The following LUZP2 variants were observed in gnomAD, a reference collection of about 807,000 sequenced individuals.
LUZP2 encodes the protein leucine zipper protein 2.
A neutral mutation model predicts 51.6 loss-of-function variants in LUZP2; 52 were observed. The observed-to-expected ratio is 1.01, with a 90% CI of 0.81 to 1.27. The LOEUF is 1.27. Among genes scored for constraint, LUZP2 ranks in the 50% most tolerant of loss-of-function variants. LUZP2 has a pLI of 0.00. For synonymous variants in LUZP2, 154 were observed against 137.3 expected (o/e 1.12, Z -0.85); for missense variants, 436 against 395.4 (o/e 1.10, Z -0.87).
At chr11:24,520,924 A>G (rs1052128934) in intron 1 of LUZP2, among the ~76,000 whole-genome samples, 1 of 152,224 alleles carries the variant, frequency 6.6e-6, no homozygotes, top group African/African-American at 2.4e-5. Flanking sequence ...AGTGGATATG[A>G]TGCCTCAGTC....
At chr11:24,608,689 A>G (rs1045808058) in intron 1 of LUZP2, among the ~76,000 whole-genome samples, 1 of 152,162 alleles carries the variant, frequency 6.6e-6, no homozygotes, top group African/African-American at 2.4e-5. Flanking sequence ...CACACACACA[A>G]ATTGATTTTT....
intron 1 of LUZP2, among the ~76,000 whole-genome samples, chr11:24,725,687 C>T (rs1431163377): frequency 6.6e-6 from 1 of 151,926 alleles, no homozygotes; most frequent in East Asian, 1.9e-4. Context: ...CAAGAATCTT[C>T]CAAATAAATT....
At chr11:24,936,696 A>G (rs1854597697) in intron 7 of LUZP2, among the ~76,000 whole-genome samples, 1 of 151,784 alleles carries the variant, frequency 6.6e-6, no homozygotes, top group African/African-American at 2.4e-5. Context: ...TCTTGTATTC[A>G]CTTTTTCTAT....
chr11:24,592,804 A>C (rs1175021359), intron 1 of LUZP2, among the ~76,000 whole-genome samples: 3 of 152,178 alleles, frequency 2.0e-5, no homozygotes, highest in Non-Finnish European at 4.4e-5. Flanking sequence ...AAAATATTTT[A>C]TTTAAAAGTC....
chr11:24,989,106 A>C (rs1476396949), intron 9 of LUZP2, among the ~76,000 whole-genome samples: 1 of 151,364 alleles, frequency 6.6e-6, no homozygotes, highest in East Asian at 1.9e-4. Context: ...GCAGTTAAAA[A>C]AAAAAAAAAA....
chr11:24,513,259 T>A (rs1850367136), intron 1 of LUZP2, among the ~76,000 whole-genome samples: 1 of 152,114 alleles, frequency 6.6e-6, no homozygotes. Context: ...AAAAATTAAG[T>A]CCCCCTTGCC....
intron 10 of LUZP2, 92 bp downstream of exon 10, chr11:25,050,222 A>G (rs983324863): frequency 2.1e-5 from 10 of 475,644 alleles, no homozygotes; most frequent in Non-Finnish European, 3.7e-5. Flanking sequence ...CCATGAAACT[A>G]TTTATATGTA....
chr11:24,816,078 G>A (rs753860947), intron 5 of LUZP2, among the ~76,000 whole-genome samples: 55 of 150,728 alleles, frequency 3.6e-4, no homozygotes, highest in Middle Eastern at 3.4e-3. Flanking sequence ...AACTTTATAA[G>A]CCTTAGTTTT....
intron 1 of LUZP2, among the ~76,000 whole-genome samples, chr11:24,499,161 A>C (rs113827099): frequency 6.6e-6 from 1 of 152,328 alleles, no homozygotes; most frequent in East Asian, 1.9e-4. Flanking sequence ...TGCTTGTGGT[A>C]TGTGAAAACT....
At chr11:24,579,743 A>G (rs190053081) in intron 1 of LUZP2, among the ~76,000 whole-genome samples, 1 of 152,252 alleles carries the variant, frequency 6.6e-6, no homozygotes, top group Admixed American at 6.5e-5. Flanking sequence ...GGTAATTTAC[A>G]CAGAATACAA....
intron 1 of LUZP2, among the ~76,000 whole-genome samples, chr11:24,584,932 G>A (rs1339357291): frequency 2.0e-5 from 3 of 152,156 alleles, no homozygotes; most frequent in Non-Finnish European, 4.4e-5. Context: ...AAGCACTTGT[G>A]TGCCTTCCAC....
chr11:24,786,154 A>G lies in LUZP2; in HGVS notation c.396+22846A>G, dbSNP rs558751463. 3.0e-6 allele frequency: 3 copies of G among 985,152 alleles called. No homozygotes were observed. In the East Asian group the frequency reaches 3.4e-4, roughly 112 times the overall value. 61.0% of individuals were successfully genotyped at this position (985,152 alleles called of 1,614,324 possible). A position where few individuals can be genotyped will look rare whatever the true frequency, so the allele number is the denominator to read the frequency against. ...CAAAGTTATGAAGGCGTTGTAAAAT[A>G]TATGTCTCAGGGAAACCTAAAACCA... On this transcript the variant is annotated intron_variant, in intron 5 of 11. Coordinates refer to ENST00000336930, the MANE Select transcript of LUZP2 (RefSeq NM_001009909.4).
intron 1 of LUZP2, among the ~76,000 whole-genome samples, chr11:24,585,980 A>G (rs1328915062): frequency 6.6e-6 from 1 of 152,140 alleles, no homozygotes; most frequent in Admixed American, 6.6e-5. Context: ...GTATTGATCT[A>G]TACCTTTTCC....
chr11:24,807,105 G>A (rs1461309456), intron 5 of LUZP2, among the ~76,000 whole-genome samples: 1 of 150,622 alleles, frequency 6.6e-6, no homozygotes, highest in African/African-American at 2.4e-5. Flanking sequence ...CATTACAAAG[G>A]AAGGAAAAAG....
intron 11 of LUZP2, 89 bp downstream of exon 11, chr11:25,077,495 ATTT>A: frequency 5.8e-6 from 3 of 512,828 alleles, no homozygotes; most frequent in African/African-American, 2.1e-5. Context: ...ATTATTTTTT[ATTT>A]TTTATTTATT....
chr11:24,633,235 T>C (rs1854954676), intron 1 of LUZP2, among the ~76,000 whole-genome samples: 1 of 151,896 alleles, frequency 6.6e-6, no homozygotes, highest in South Asian at 2.1e-4. Context: ...AAATATTCCA[T>C]CCAAAAACAA....
intron 1 of LUZP2, among the ~76,000 whole-genome samples, chr11:24,555,319 T>TA (rs1414633353): frequency 1.3e-5 from 2 of 152,078 alleles, no homozygotes; most frequent in African/African-American, 4.8e-5. Context: ...AATGATGACA[T>TA]AAAACACTTA....
intron 9 of LUZP2, among the ~76,000 whole-genome samples, chr11:25,021,252 A>T (rs1361526414): frequency 6.6e-6 from 1 of 152,046 alleles, no homozygotes; most frequent in African/African-American, 2.4e-5. Flanking sequence ...AGACTTATTA[A>T]TCCAGGTTAT....
chr11:24,603,613 CATATAA>C (rs1324112546), intron 1 of LUZP2, among the ~76,000 whole-genome samples: 3 of 143,512 alleles, frequency 2.1e-5, no homozygotes, highest in Admixed American at 6.8e-5. Flanking sequence ...TATCTAGATA[CATATAA>C]ATATAAGTAT....
Sources: allele counts gnomAD v4.1 joint callset (sites outside exome capture counted in the v4.1 genomes callset), GRCh38; gene constraint gnomAD v4.1.1; transcripts MANE v1.5; gene names NCBI Gene and HGNC (gene_info 2026-07-23, HGNC 2026-07-21).